Variants in ATP5PO observed in about 807,000 individuals in gnomAD.
The protein encoded by ATP5PO is ATP synthase peripheral stalk subunit OSCP, mitochondrial.
In ATP5PO, 14 loss-of-function variants were observed where a neutral mutation model predicts 26.2. The ratio of observed to expected loss-of-function variants is 0.53; its 90% confidence interval spans 0.35 to 0.83. The LOEUF is 0.83. ATP5PO is among the 40% of genes least tolerant of loss of function. The pLI is 0.01. For synonymous variants in ATP5PO, 106 were observed against 95.1 expected, an observed-to-expected ratio of 1.12 and a Z score of -0.67; for missense variants, 241 against 258.5, an observed-to-expected ratio of 0.93 and a Z score of 0.46.
At position 33,914,579 on chromosome 21, in the gene ATP5PO, T is replaced by A. The variant is rs193208543; in HGVS notation, c.37-79A>T. 1.6e-5 allele frequency: 21 copies of A among 1,342,072 alleles called. No homozygotes were observed. In the East Asian group the frequency reaches 4.2e-4, roughly 27 times the overall value. 83.1% of individuals were successfully genotyped at this position (1,342,072 alleles called of 1,614,324 possible). ...CATTTAACTCAATAACAACAAAAAA[T>A]TTTAAATAACCTTAAAATCATTACT... On this transcript the variant is annotated intron_variant, in intron 1 of 6. Coordinates refer to ENST00000290299, the MANE Select transcript of ATP5PO (RefSeq NM_001697.3).
rs148310057 is a variant in ATP5PO at position 33,913,872 on chromosome 21, C to T, written c.87+578G>A. Among the ~76,000 whole-genome samples the T allele has an allele frequency of 3.7e-3, 564 of 152,172 alleles. 2 individuals are homozygous for T. Among genetic ancestry groups the T allele is most frequent in the Non-Finnish European group, 6.1e-3 (418 of 67,982 alleles). ...TCTGCTCACTACAACCTCCGCCTCC[C>T]GGGCTCAAGCAATTCTCCTACCTCA... On this transcript the variant is annotated intron_variant, in intron 2 of 6. Coordinates refer to ENST00000290299, the MANE Select transcript of ATP5PO (RefSeq NM_001697.3).
chr21:33,907,273 T>G, intron 5 of ATP5PO, 68 bp downstream of exon 5: 1 of 1,394,888 alleles, frequency 7.2e-7, no homozygotes. Context: ...TGTTTTTCCC[T>G]TTTCTTCCTG....
chr21:33,909,546 A>G (rs575065456), intron 3 of ATP5PO, among the ~76,000 whole-genome samples: 2 of 152,174 alleles, frequency 1.3e-5, no homozygotes, highest in Non-Finnish European at 2.9e-5. Context: ...GATTACAGGC[A>G]TGAGCCACTG....
intron 5 of ATP5PO, chr21:33,906,825 T>C (rs779933602): frequency 8.9e-6 from 4 of 451,638 alleles, no homozygotes; most frequent in East Asian, 1.4e-4. Context: ...TCCATCACTA[T>C]AAAAAACACA....
intron 3 of ATP5PO, among the ~76,000 whole-genome samples, chr21:33,911,687 G>C (rs944542200): frequency 3.7e-4 from 5 of 13,340 alleles, no homozygotes; most frequent in African/African-American, 9.9e-4. Flanking sequence ...TTTTTTTTTT[G>C]AGACGGAGTC....
intron 3 of ATP5PO, among the ~76,000 whole-genome samples, chr21:33,911,886 G>T (rs1987254728): frequency 6.6e-6 from 1 of 151,936 alleles, no homozygotes; most frequent in African/African-American, 2.4e-5. Flanking sequence ...GGCTGGTCTT[G>T]AACTCATGAC....
chr21:33,913,150 G>C (rs970817193), intron 2 of ATP5PO, among the ~76,000 whole-genome samples: 2 of 152,150 alleles, frequency 1.3e-5, no homozygotes, highest in African/African-American at 4.8e-5. Context: ...GGGAAGACCA[G>C]TTACTCCTTA....
chr21:33,913,759 G>A (rs1243296405), intron 2 of ATP5PO, among the ~76,000 whole-genome samples: 1 of 152,088 alleles, frequency 6.6e-6, no homozygotes, highest in Non-Finnish European at 1.5e-5. Flanking sequence ...ATGGAGAACT[G>A]CATTAGAAAC....
At chr21:33,912,475 T>A in intron 2 of ATP5PO, 76 bp from the exon 3 acceptor site, 1 of 959,478 alleles carries the variant, frequency 1.0e-6, no homozygotes. Flanking sequence ...GAGCAGAATT[T>A]AAAATTTATA....
chr21:33,913,561 T>C (rs1987275603), intron 2 of ATP5PO, among the ~76,000 whole-genome samples: 1 of 152,236 alleles, frequency 6.6e-6, no homozygotes, highest in African/African-American at 2.4e-5. Flanking sequence ...CCATGTATCA[T>C]TTCAGGGGGC....
intron 1 of ATP5PO, chr21:33,914,866 G>C (rs1347682642): frequency 5.6e-6 from 1 of 178,232 alleles, no homozygotes; most frequent in East Asian, 1.5e-4. Flanking sequence ...ATTTGCAACA[G>C]ACGTACCCTC....
At chr21:33,906,920 G>T in intron 5 of ATP5PO, 1 of 381,172 alleles carries the variant, frequency 2.6e-6, no homozygotes, top group South Asian at 1.9e-5. Context: ...GAGCCCAGGA[G>T]GTTGAGGCTA....
intron 3 of ATP5PO, among the ~76,000 whole-genome samples, chr21:33,910,166 G>C (rs1222032890): frequency 1.3e-5 from 2 of 152,192 alleles, no homozygotes; most frequent in Non-Finnish European, 2.9e-5. Context: ...GCAGTTTCCA[G>C]TTGAGCACCT....
intron 5 of ATP5PO, among the ~76,000 whole-genome samples, chr21:33,905,640 C>T (rs954202883): frequency 1.3e-5 from 2 of 151,994 alleles, no homozygotes; most frequent in East Asian, 1.9e-4. Context: ...TGGCTGTGCA[C>T]GGTGGCTCAC....
At chr21:33,908,163 C>G (rs1987198885) in intron 4 of ATP5PO, among the ~76,000 whole-genome samples, 1 of 109,606 alleles carries the variant, frequency 9.1e-6, no homozygotes, top group Admixed American at 1.0e-4. Context: ...AAGGGACACC[C>G]AGGCTCAAAA....
Position 33,914,443 on chromosome 21 carries a change from A to G in ATP5PO, c.87+7T>C. 6.2e-7 allele frequency: 1 copy of G among 1,611,792 alleles called. No individual in the cohort carries two copies. Among genetic ancestry groups the G allele is most frequent in the Non-Finnish European group, 8.5e-7 (1 of 1,178,238 alleles). On this transcript the variant is annotated splice_region_variant and intron_variant, in intron 2 of 6. Coordinates refer to ENST00000290299, the MANE Select transcript of ATP5PO (RefSeq NM_001697.3). ...TTATCATTACAGAAGAATATAAATTAACATACCCTCACAAGCTTGGCAAAT... is the reference window on the plus strand; with the variant it reads ...TTATCATTACAGAAGAATATAAATTGACATACCCTCACAAGCTTGGCAAAT...
At chr21:33,906,712 G>C (rs978360358) in intron 5 of ATP5PO, 3 of 456,168 alleles carry the variant, frequency 6.6e-6, no homozygotes, top group Non-Finnish European at 1.3e-5. Context: ...TTCAGGCCAG[G>C]TGTGGTAGCT....
intron 1 of ATP5PO, chr21:33,914,763 A>T: frequency 2.4e-6 from 1 of 410,540 alleles, no homozygotes; most frequent in Non-Finnish European, 4.4e-6. Context: ...GCATACCCGT[A>T]AGACAGAAAA....
chr21:33,911,826 G>A (rs73354046), intron 3 of ATP5PO, among the ~76,000 whole-genome samples: 12,709 of 151,856 alleles, frequency 0.084, 745 homozygotes, highest in East Asian at 0.23. Context: ...ACCACGTCCC[G>A]CTAATTTTTT....
Sources: gnomAD v4.1 joint callset for allele counts (sites outside exome capture counted in the v4.1 genomes callset) on GRCh38, gnomAD v4.1.1 for gene constraint, MANE v1.5 for transcripts, NCBI Gene and HGNC (gene_info 2026-07-23, HGNC 2026-07-21) for gene names.